LAP3: variants seen among roughly 807,000 people sequenced by gnomAD.
LAP3 encodes cytosol aminopeptidase.
Under a neutral mutation model 58.8 loss-of-function variants are expected in LAP3, and 46 were observed. The observed-to-expected ratio is 0.78, with a 90% CI of 0.62 to 1.00. The LOEUF (loss-of-function observed/expected upper bound fraction) is 1.00, where lower values mean the gene tolerates loss of function less well. Ranked by LOEUF, LAP3 falls within the 50% of genes least tolerant of loss-of-function variation. The pLI is 0.00. For missense variants in LAP3, 615 were observed against 659.1 expected, an observed-to-expected ratio of 0.93 and a Z score of 0.73; for synonymous variants, 257 against 237.7, an observed-to-expected ratio of 1.08 and a Z score of -0.75.
At chr4:17,582,024 G>T (rs1713377630) in intron 3 of LAP3, 3 of 593,932 alleles carry the variant, frequency 5.1e-6, no homozygotes, top group African/African-American at 1.9e-5. Context: ...TCTTTATCCG[G>T]TTGTGGCTCT....
intron 5 of LAP3, among the ~76,000 whole-genome samples, chr4:17,584,167 G>C (rs753542274): frequency 1.3e-5 from 2 of 152,260 alleles, no homozygotes; most frequent in Non-Finnish European, 2.9e-5. Flanking sequence ...TGTGGGGAGT[G>C]GGGGAGAGTG....
Position 17,583,657 on chromosome 4 carries a change from T to G in LAP3, c.539+15T>G, listed in dbSNP as rs1007731995. 1.9e-5 allele frequency: 31 copies of G among 1,609,536 alleles called. No homozygotes were observed. The highest frequency in any genetic ancestry group is 2.5e-5 in the Non-Finnish European group (29 of 1,179,850). Reference sequence around the variant, plus strand: ...CTCTATGGAAGGTGATGGAAGCAAATTAGGAGGAGGGTGGTGCTCCCTGGC... The same window carrying G: ...CTCTATGGAAGGTGATGGAAGCAAAGTAGGAGGAGGGTGGTGCTCCCTGGC... On this transcript the variant is annotated intron_variant, in intron 5 of 12. Coordinates refer to ENST00000226299, the MANE Select transcript of LAP3 (RefSeq NM_015907.3).
intron 5 of LAP3, 31 bp downstream of exon 5, chr4:17,583,673 G>C: frequency 3.1e-6 from 5 of 1,612,296 alleles, no homozygotes; most frequent in Non-Finnish European, 4.2e-6. Flanking sequence ...GGAGGGTGGT[G>C]CTCCCTGGCG....
Position 17,580,165 on chromosome 4 carries a change from C to CATATATAT in LAP3, c.218+235_218+242dup, listed in dbSNP as rs372439585. Among the ~76,000 whole-genome samples the CATATATAT allele has an allele frequency of 2.2e-4, 10 of 45,988 alleles. 3 individuals carry two copies. The highest frequency in any genetic ancestry group is 1.2e-3 in the South Asian group (2 of 1,674). 30.2% of individuals were successfully genotyped at this position (45,988 alleles called of 152,430 possible). A position where few individuals can be genotyped will look rare whatever the true frequency, so the allele number is the denominator to read the frequency against. ...GGCATGCCTCACCACTCCCGGCTTT[C>CATATATAT]ATATATATATATATATGTATTTTTT... On this transcript the variant is annotated intron_variant, in intron 2 of 12. Transcript: ENST00000226299.
intron 1 of LAP3, 121 bp downstream of exon 1, chr4:17,577,688 T>A (rs1713245529): frequency 4.0e-6 from 3 of 741,892 alleles, no homozygotes; most frequent in Non-Finnish European, 6.5e-6. Context: ...AAAAATCAGT[T>A]TAAAAGAAAA....
intron 9 of LAP3, 86 bp downstream of exon 9, chr4:17,597,220 C>A: frequency 9.4e-7 from 1 of 1,067,130 alleles, no homozygotes; most frequent in Non-Finnish European, 1.5e-6. Context: ...AGGATGCGTG[C>A]AGAGCCCCAG....
chr4:17,586,869 G>A (rs1473422850), intron 6 of LAP3, among the ~76,000 whole-genome samples: 3 of 152,172 alleles, frequency 2.0e-5, no homozygotes, highest in African/African-American at 7.2e-5. Context: ...ACTTTGGGAG[G>A]CTGAGGCAGG....
At chr4:17,577,671 A>G (rs1264335075) in intron 1 of LAP3, 104 bp downstream of exon 1, 1 of 864,398 alleles carries the variant, frequency 1.2e-6, no homozygotes, top group East Asian at 3.1e-5. Context: ...CGCCCAAGCC[A>G]AGTTGCAAAA....
chr4:17,577,295 C>A lies in LAP3; in HGVS notation c.-171C>A. The stretch of plus-strand genomic sequence containing the variant: ...CGCGGTTTGATCCCAGCGGTCCAGT[C>A]GGCCGGTGCTGCCCATCCGTCCCGC... On this transcript the variant is annotated 5_prime_UTR_variant, in exon 1 of 13. It introduces an in-frame stop codon into an upstream open reading frame of the 5' UTR. Transcript: ENST00000226299. 4 of 494,122 alleles carry A rather than the reference C, an allele frequency of 8.1e-6. No individual in the cohort carries two copies. Among genetic ancestry groups the A allele is most frequent in the African/African-American group, 2.1e-5 (1 of 48,710 alleles). The allele number at this position is 494,122 out of a possible 1,614,324, so 30.6% of individuals were successfully genotyped here. A position where few individuals can be genotyped will look rare whatever the true frequency, so the allele number is the denominator to read the frequency against.
chr4:17,593,609 GTTTTTT>G (rs55676326), intron 7 of LAP3, among the ~76,000 whole-genome samples: 66 of 87,608 alleles, frequency 7.5e-4, no homozygotes, highest in Non-Finnish European at 9.2e-4. Flanking sequence ...ATCTGCTTGG[GTTTTTT>G]TTTTTTTTTT....
Position 17,598,524 on chromosome 4 carries a change from C to G in LAP3, c.1146C>G (p.Asn382Lys). Residue 382 changes from asparagine (N) to lysine (K), a missense_variant, in exon 10 of 13, where the codon AAC becomes AAG. Transcript: ENST00000226299. ...ADALCYAHTFNPKVILNAATL... is the reference protein window; with the variant it reads ...ADALCYAHTFKPKVILNAATL... ...CGCTCTGTTACGCACACACGTTTAACCCGAAGGTCATCCTCAATGCCGCCA... is the reference window on the plus strand; with the variant it reads ...CGCTCTGTTACGCACACACGTTTAAGCCGAAGGTCATCCTCAATGCCGCCA... 3.1e-6 allele frequency: 5 copies of G among 1,614,128 alleles called. No individual in the cohort carries two copies. The highest frequency in any genetic ancestry group is 4.2e-6 in the Non-Finnish European group (5 of 1,179,992).
intron 7 of LAP3, among the ~76,000 whole-genome samples, chr4:17,593,978 T>G (rs1316169873): frequency 1.3e-5 from 2 of 152,072 alleles, no homozygotes; most frequent in Non-Finnish European, 2.9e-5. Context: ...TTTGTGTGTG[T>G]GTAAAAATGT....
At chr4:17,584,308 C>G (rs564000874) in intron 5 of LAP3, among the ~76,000 whole-genome samples, 1 of 152,166 alleles carries the variant, frequency 6.6e-6, no homozygotes, top group Non-Finnish European at 1.5e-5. Context: ...GTTGTAATAC[C>G]GATTTCATGG....
At chr4:17,604,036 G>T (rs951507329) in intron 10 of LAP3, among the ~76,000 whole-genome samples, 1 of 151,744 alleles carries the variant, frequency 6.6e-6, no homozygotes, top group African/African-American at 2.4e-5. Flanking sequence ...GGCCAGGCTG[G>T]TCTCGAACTC....
rs1396443434 is a variant in LAP3, at chr4:17,582,327, G to T, written c.313G>T (p.Ala105Ser). The change falls in exon 4 of 13, where the codon GCA becomes TCA. Residue 105 changes from alanine to serine, a missense_variant. Transcript: ENST00000226299. ...SVVLVGLGKK[A>S]AGIDEQENWH... ...GGTGCTAGTTGGCCTCGGCAAAAAG[G>T]CAGCTGGAATCGACGAACAGGAAAA... is the stretch of plus-strand genomic sequence containing the variant. 4 of 1,614,152 alleles carry T rather than the reference G, an allele frequency of 2.5e-6. No individual in the cohort carries two copies.
chr4:17,596,960 C>A, intron 8 of LAP3, 86 bp from the exon 9 acceptor site: 1 of 1,217,998 alleles, frequency 8.2e-7, no homozygotes, highest in South Asian at 1.2e-5. Flanking sequence ...TCTTGCTTCT[C>A]ATGGCTCACA....
Position 17,607,809 on chromosome 4 carries a change from C to T in LAP3, c.*220C>T. ...ACTTGATAAGGATTTTTAAGATACT[C>T]TATAAATGATTAAAATTTTTAGAAC... On this transcript the variant is annotated 3_prime_UTR_variant, in exon 13 of 13. Transcript: ENST00000226299. The T allele has an allele frequency of 2.6e-6, 1 of 383,840 alleles. No individual in the cohort carries two copies. The highest frequency in any genetic ancestry group is 4.1e-5 in the East Asian group (1 of 24,272). The allele number at this position is 383,840 out of a possible 1,614,324, so 23.8% of individuals were successfully genotyped here.
rs560758566 is a variant in LAP3 at position 17,587,936 on chromosome 4, G to C, written c.705-883G>C. Among the ~76,000 whole-genome samples, 140 of 150,048 alleles carry C rather than the reference G, an allele frequency of 9.3e-4. 2 individuals are homozygous for C. The highest frequency in any genetic ancestry group is 2.8e-3 in the African/African-American group (114 of 40,466). Reference sequence around the variant, plus strand: ...GGGATATAGCTTTGGTTTGCTGTCTGTTGGTTGATTTTTTTTTTTTTTCAT... The same window carrying C: ...GGGATATAGCTTTGGTTTGCTGTCTCTTGGTTGATTTTTTTTTTTTTTCAT... On this transcript the variant is annotated intron_variant, in intron 6 of 12. Transcript: ENST00000226299.
intron 1 of LAP3, 89 bp from the exon 2 acceptor site, chr4:17,579,735 T>C (rs1303417283): frequency 6.0e-6 from 4 of 670,004 alleles, no homozygotes; most frequent in Admixed American, 2.9e-5. Context: ...GGTGGAATTA[T>C]TTGTTCCTTC....
Sources: gnomAD v4.1 joint callset for allele counts (sites outside exome capture counted in the v4.1 genomes callset) on GRCh38, gnomAD v4.1.1 for gene constraint, MANE v1.5 for transcripts, NCBI Gene and HGNC (gene_info 2026-07-23, HGNC 2026-07-21) for gene names.